Variants in KCNMB4 observed in about 807,000 individuals in gnomAD.
KCNMB4 encodes calcium-activated potassium channel subunit beta-4.
Under a neutral mutation model 20.7 loss-of-function variants are expected in KCNMB4, and 3 were observed. The ratio of observed to expected loss-of-function variants is 0.14; its 90% CI spans 0.07 to 0.37. The LOEUF (loss-of-function observed/expected upper bound fraction) is 0.37. KCNMB4 is among the 10% of genes least tolerant of loss of function. The pLI is 1.00. For synonymous variants in KCNMB4, 110 were observed against 113.4 expected (o/e 0.97, Z 0.19); for missense variants, 168 against 265.9 (o/e 0.63, Z 2.56).
intron 1 of KCNMB4, among the ~76,000 whole-genome samples, chr12:70,384,155 C>G (rs917998913): frequency 2.0e-5 from 3 of 152,084 alleles, no homozygotes; most frequent in Admixed American, 6.6e-5. Context: ...TCTGCAAGAC[C>G]CTATTGTGTT....
chr12:70,417,406 A>T (rs1868939501), intron 2 of KCNMB4, among the ~76,000 whole-genome samples: 1 of 152,190 alleles, frequency 6.6e-6, no homozygotes, highest in Admixed American at 6.5e-5. Flanking sequence ...CTAAACAGGG[A>T]TGGGGCAGGT....
chr12:70,398,965 G>T (rs10748151), intron 1 of KCNMB4, among the ~76,000 whole-genome samples: 114,079 of 152,054 alleles, frequency 0.75, 43,859 homozygotes, highest in East Asian at 0.94. Flanking sequence ...CAAACTTGAA[G>T]CTTAAAATAA....
chr12:70,394,736 G>A (rs1478302902), intron 1 of KCNMB4, among the ~76,000 whole-genome samples: 7 of 152,028 alleles, frequency 4.6e-5, no homozygotes, highest in South Asian at 4.2e-4. Flanking sequence ...GGACGATCAC[G>A]GCTCACTGCA....
intron 1 of KCNMB4, among the ~76,000 whole-genome samples, chr12:70,377,447 C>G (rs868676167): frequency 3.3e-5 from 5 of 152,078 alleles, no homozygotes; most frequent in African/African-American, 1.2e-4. Flanking sequence ...TATTTTATTA[C>G]TGAAAAATGC....
intron 2 of KCNMB4, among the ~76,000 whole-genome samples, chr12:70,427,320 C>G (rs1869240298): frequency 6.6e-6 from 1 of 152,150 alleles, no homozygotes; most frequent in African/African-American, 2.4e-5. Flanking sequence ...ATGAGCTAGA[C>G]TTTAATTAGG....
At chr12:70,378,983 A>G (rs913264846) in intron 1 of KCNMB4, among the ~76,000 whole-genome samples, 3 of 152,216 alleles carry the variant, frequency 2.0e-5, no homozygotes, top group African/African-American at 7.2e-5. Flanking sequence ...GATGAGGTAC[A>G]CTGTCAGTTA....
At chr12:70,379,397 A>C (rs77486810) in intron 1 of KCNMB4, among the ~76,000 whole-genome samples, 1 of 152,152 alleles carries the variant, frequency 6.6e-6, no homozygotes, top group East Asian at 1.9e-4. Context: ...CAGCTTCTAC[A>C]TGAGCACTTG....
intron 1 of KCNMB4, among the ~76,000 whole-genome samples, chr12:70,386,820 T>C (rs1427065280): frequency 6.6e-6 from 1 of 152,198 alleles, no homozygotes; most frequent in Non-Finnish European, 1.5e-5. Context: ...GACCAACTGA[T>C]AAATTTTGAC....
chr12:70,387,739 A>G (rs2136123224), intron 1 of KCNMB4, among the ~76,000 whole-genome samples: 1 of 152,056 alleles, frequency 6.6e-6, no homozygotes, highest in South Asian at 2.1e-4. Flanking sequence ...ATGAGTTTTG[A>G]TGCAGGCATG....
intron 1 of KCNMB4, among the ~76,000 whole-genome samples, chr12:70,380,795 A>G (rs954180268): frequency 1.3e-5 from 2 of 152,230 alleles, no homozygotes; most frequent in East Asian, 3.8e-4. Context: ...TTGAACTCTG[A>G]TTGCACATTA....
At chr12:70,390,022 A>G (rs938049321) in intron 1 of KCNMB4, among the ~76,000 whole-genome samples, 1 of 152,212 alleles carries the variant, frequency 6.6e-6, no homozygotes, top group Non-Finnish European at 1.5e-5. Context: ...TCCATAAAAT[A>G]TTGTAGGACT....
chr12:70,396,184 A>G (rs996091252), intron 1 of KCNMB4, among the ~76,000 whole-genome samples: 6 of 152,190 alleles, frequency 3.9e-5, no homozygotes, highest in African/African-American at 1.4e-4. Context: ...TCCTTGTCCT[A>G]AATCAGGAGC....
At chr12:70,367,966 C>A (rs1458756500) in intron 1 of KCNMB4, among the ~76,000 whole-genome samples, 1 of 151,984 alleles carries the variant, frequency 6.6e-6, no homozygotes, top group Non-Finnish European at 1.5e-5. Flanking sequence ...AGAAAAATAA[C>A]TTATAAAAAG....
chr12:70,382,009 T>A (rs1883795341), intron 1 of KCNMB4, among the ~76,000 whole-genome samples: 1 of 152,250 alleles, frequency 6.6e-6, no homozygotes, highest in African/African-American at 2.4e-5. Context: ...TATTATTTTT[T>A]GGAAATAAAT....
chr12:70,399,609 A>G (rs1868402013), intron 1 of KCNMB4, among the ~76,000 whole-genome samples: 1 of 152,348 alleles, frequency 6.6e-6, no homozygotes, highest in South Asian at 2.1e-4. Context: ...TGCTTACGAT[A>G]ATAGAGCTCC....
chr12:70,378,181 C>G (rs1022973277), intron 1 of KCNMB4, among the ~76,000 whole-genome samples: 1 of 152,022 alleles, frequency 6.6e-6, no homozygotes, highest in Non-Finnish European at 1.5e-5. Context: ...GTCTCAAACT[C>G]CTGACCTCAA....
At chr12:70,380,235 A>G (rs1042666700) in intron 1 of KCNMB4, among the ~76,000 whole-genome samples, 1 of 152,156 alleles carries the variant, frequency 6.6e-6, no homozygotes, top group Non-Finnish European at 1.5e-5. Flanking sequence ...AGACAGGGGA[A>G]CAGGTGGTTG....
At chr12:70,381,757 G>C (rs752184663) in intron 1 of KCNMB4, among the ~76,000 whole-genome samples, 131 of 152,184 alleles carry the variant, frequency 8.6e-4, no homozygotes, top group Non-Finnish European at 1.2e-3. Context: ...AAGGGTACAG[G>C]GGTCTTTTTG....
At chr12:70,417,575 T>C (rs890117946) in intron 2 of KCNMB4, among the ~76,000 whole-genome samples, 3 of 152,168 alleles carry the variant, frequency 2.0e-5, no homozygotes, top group African/African-American at 7.2e-5. Flanking sequence ...TATCTGAAAA[T>C]AGTTGGCACA....
Sources: gnomAD v4.1 joint callset for allele counts (sites outside exome capture counted in the v4.1 genomes callset) on GRCh38, gnomAD v4.1.1 for gene constraint, MANE v1.5 for transcripts, NCBI Gene and HGNC (gene_info 2026-07-23, HGNC 2026-07-21) for gene names.